PLCG1: variants seen among roughly 807,000 people sequenced by gnomAD.
The protein encoded by PLCG1 is phospholipase C gamma 1.
In PLCG1, 71 loss-of-function variants were observed where a neutral mutation model predicts 177.8. The observed-to-expected ratio is 0.40, with a 90% confidence interval of 0.33 to 0.49. PLCG1 has a LOEUF of 0.49. Among genes scored for constraint, PLCG1 ranks in the 20% least tolerant of loss-of-function variants. PLCG1 has a pLI of 0.72. For missense variants in PLCG1, 1,281 were observed against 1,709.0 expected (o/e 0.75, Z 4.42); for synonymous variants, 658 against 647.9 (o/e 1.02, Z -0.24).
rs774727928 is a variant in PLCG1 at position 41,164,229 on chromosome 20, G to T, written c.1217+28G>T. On this transcript the variant is annotated intron_variant, in intron 12 of 31. Transcript: ENST00000685551. The surrounding 1 kb of genome is among the most constrained non-coding windows in gnomAD (Gnocchi z 6.4). ...GAGTCGGAGGCTGGATGACCCAGGG[G>T]TTAACTTGGCTCCAGGTCTCTCGTT... The T allele has an allele frequency of 5.6e-6, 9 of 1,612,800 alleles. No individual in the cohort carries two copies. The African/African-American group carries it at 1.1e-4, about 19-fold the overall frequency.
chr20:41,171,607 A>T (rs1180234683), intron 24 of PLCG1, among the ~76,000 whole-genome samples: 1 of 151,266 alleles, frequency 6.6e-6, no homozygotes, highest in African/African-American at 2.4e-5. Flanking sequence ...AAAAAAAAAA[A>T]AAGCCACTGA....
rs2035632374 is a variant in PLCG1, at chr20:41,165,012, C to G, written c.1297C>G (p.Leu433Val). The G allele has an allele frequency of 6.2e-7, 1 of 1,614,182 alleles. No individual in the cohort carries two copies. The highest frequency in any genetic ancestry group is 8.5e-7 in the Non-Finnish European group (1 of 1,180,024). ...CATGGCCCAATACTTCAAGAAGGTG[C>G]TGGGGGACACACTCCTCACCAAGCC... ...RNMAQYFKKVLGDTLLTKPVE... is the reference protein window; with the variant it reads ...RNMAQYFKKVVGDTLLTKPVE... Residue 433 changes from leucine (L) to valine (V), a missense_variant, in exon 13 of 32, where the codon CTG (leucine) becomes GTG (valine). Leu to Val is a conservative substitution (Grantham distance 32). This residue lies in a region of PLCG1 where 723 missense variants were observed against 1,030.0 expected (regional missense o/e 0.70). Transcript: ENST00000685551. The surrounding 1 kb of genome is among the most constrained non-coding windows in gnomAD (Gnocchi z 6.6).
Position 41,166,144 on chromosome 20 carries a change from G to T in PLCG1, c.1800-50G>T. On this transcript the variant is annotated intron_variant, in intron 16 of 31. Transcript: ENST00000685551. The surrounding 1 kb of genome is among the most constrained non-coding windows in gnomAD (Gnocchi z 8.6). ...TCATTTGGGGTGGAACTTGGTCTTT[G>T]GGGCCCTGGCCTGTTTTCCCCAGCC... 6.5e-7 allele frequency: 1 copy of T among 1,535,636 alleles called. No individual in the cohort carries two copies. Among genetic ancestry groups the T allele is most frequent in the Non-Finnish European group, 8.9e-7 (1 of 1,118,998 alleles).
chr20:41,159,205 A>G lies in PLCG1; in HGVS notation c.218-401A>G, dbSNP rs1046663316. Among the ~76,000 whole-genome samples, 1 of 152,108 alleles carries G rather than the reference A, an allele frequency of 6.6e-6. No individual in the cohort carries two copies. The highest frequency in any genetic ancestry group is 2.1e-4 in the South Asian group (1 of 4,824). ...GGGATCCTGAGGCCCATCTTGACCTACCCAGCCCTGCCTCTGGGACTTTAT... is the reference window on the plus strand; with the variant it reads ...GGGATCCTGAGGCCCATCTTGACCTGCCCAGCCCTGCCTCTGGGACTTTAT... On this transcript the variant is annotated intron_variant, in intron 1 of 31. Transcript: ENST00000685551. This position sits in a 1 kb window ranked among gnomAD's most constrained non-coding sequence, Gnocchi z 6.0.
intron 24 of PLCG1, among the ~76,000 whole-genome samples, chr20:41,171,511 C>T (rs985296462): frequency 6.2e-5 from 9 of 145,792 alleles, no homozygotes; most frequent in South Asian, 2.2e-4. Context: ...CGCTTGAACC[C>T]GTGAGGTGGA....
rs2036062013 is a variant in PLCG1, at chr20:41,176,190, C to G, written c.*1681C>G. On this transcript the variant is annotated 3_prime_UTR_variant, in exon 32 of 32. Transcript: ENST00000685551. ...CATAGTTGGCTGTGCTGGGATGGAA[C>G]AAAAATGACGCCACACAAAAAATTT... 6.6e-6 allele frequency: 1 copy of G among 152,160 alleles called. No individual in the cohort carries two copies. Among genetic ancestry groups the G allele is most frequent in the Non-Finnish European group, 1.5e-5 (1 of 68,046 alleles). The allele number at this position is 152,160 out of a possible 1,614,324, so 9.4% of individuals were successfully genotyped here.
At chr20:41,170,473 TGA>T in intron 24 of PLCG1, 1 of 577,490 alleles carries the variant, frequency 1.7e-6, no homozygotes, top group South Asian at 2.2e-5. Flanking sequence ...GTGTTGAGTT[TGA>T]GATACTGATG....
At chr20:41,155,982 G>A (rs1378163334) in intron 1 of PLCG1, among the ~76,000 whole-genome samples, 7 of 152,214 alleles carry the variant, frequency 4.6e-5, no homozygotes, top group Non-Finnish European at 7.3e-5. Context: ...CTTCTTGAAA[G>A]AGCAGGAGAA....
chr20:41,172,812 G>A lies in PLCG1; in HGVS notation c.3214G>A (p.Glu1072Lys). 6.2e-7 allele frequency: 1 copy of A among 1,614,204 alleles called. No homozygotes were observed. Among genetic ancestry groups the A allele is most frequent in the African/African-American group, 1.3e-5 (1 of 75,050 alleles). ...GCTGCAGCCAAGCACCATGCGGGAT[G>A]AGGCCTTCGACCCCTTTGACAAGAG... ...YVLQPSTMRD[E>K]AFDPFDKSSL... The change falls in exon 27 of 32, where the codon GAG becomes AAG. Residue 1072 changes from glutamate to lysine, a missense_variant. Physicochemically the swap from Glu to Lys is moderately conservative, Grantham distance 56. This residue lies in a region of PLCG1 where 723 missense variants were observed against 1,030.0 expected (regional missense o/e 0.70). Coordinates refer to ENST00000685551, the MANE Select transcript of PLCG1 (RefSeq NM_002660.3). The surrounding 1 kb of genome is among the most constrained non-coding windows in gnomAD (Gnocchi z 7.0).
chr20:41,146,114 C>T lies in PLCG1; in HGVS notation c.217+8256C>T, dbSNP rs1443082018. Among the ~76,000 whole-genome samples, 3 of 152,200 alleles carry T rather than the reference C, an allele frequency of 2.0e-5. No individual in the cohort carries two copies. The highest frequency in any genetic ancestry group is 2.0e-4 in the Admixed American group (3 of 15,286). ...TGGTGTTGGCCGGTGGCCCTGGCTTCAGCAAGACTCAGGATGCAGAGTAAA... is the reference window on the plus strand; with the variant it reads ...TGGTGTTGGCCGGTGGCCCTGGCTTTAGCAAGACTCAGGATGCAGAGTAAA... On this transcript the variant is annotated intron_variant, in intron 1 of 31. Coordinates refer to ENST00000685551, the MANE Select transcript of PLCG1 (RefSeq NM_002660.3). The surrounding 1 kb of genome is among the most constrained non-coding windows in gnomAD (Gnocchi z 6.3).
Position 41,162,496 on chromosome 20 carries a change from A to G in PLCG1, c.557A>G (p.Tyr186Cys), listed in dbSNP as rs2058720557. 2 of 1,613,680 alleles carry G rather than the reference A, an allele frequency of 1.2e-6. No individual in the cohort carries two copies. Among genetic ancestry groups the G allele is most frequent in the Non-Finnish European group, 1.7e-6 (2 of 1,179,890 alleles). The change falls in exon 5 of 32, where the codon TAC (tyrosine) becomes TGC (cysteine). Residue 186 changes from tyrosine (Y) to cysteine (C), a missense_variant. Physicochemically the swap from Tyr to Cys is radical, Grantham distance 194. This residue lies in a region of PLCG1 where 374 missense variants were observed against 443.8 expected (regional missense o/e 0.84). Transcript: ENST00000685551. ...AAGAACATGCTGTCCCAGGTCAACT[A>G]CCGGGTCCCCAACATGCGCTTCCTC... ...DLKNMLSQVN[Y>C]RVPNMRFLRE...
In PLCG1 at chr20:41,157,826, C is replaced by G. The variant is rs1268930280; in HGVS notation, c.218-1780C>G. On this transcript the variant is annotated intron_variant, in intron 1 of 31. Transcript: ENST00000685551. This position sits in a 1 kb window ranked among gnomAD's most constrained non-coding sequence, Gnocchi z 5.4. ...AGGGCAAAAGCTGGGGAGGTAAATTCCTGAGCCCTGTCACAAAGAGCCTTC... is the reference window on the plus strand; with the variant it reads ...AGGGCAAAAGCTGGGGAGGTAAATTGCTGAGCCCTGTCACAAAGAGCCTTC... Among the ~76,000 whole-genome samples, 1 of 152,098 alleles carries G rather than the reference C, an allele frequency of 6.6e-6. No individual in the cohort carries two copies. Among genetic ancestry groups the G allele is most frequent in the Admixed American group, 6.5e-5 (1 of 15,272 alleles).
Position 41,174,682 on chromosome 20 carries a change from C to G in PLCG1, c.*173C>G. The G allele has an allele frequency of 1.6e-6, 1 of 636,020 alleles. No homozygotes were observed. The highest frequency in any genetic ancestry group is 2.8e-6 in the Non-Finnish European group (1 of 357,226). The allele number at this position is 636,020 out of a possible 1,614,324, so 39.4% of individuals were successfully genotyped here. On this transcript the variant is annotated 3_prime_UTR_variant, in exon 32 of 32. Coordinates refer to ENST00000685551, the MANE Select transcript of PLCG1 (RefSeq NM_002660.3). This position sits in a 1 kb window ranked among gnomAD's most constrained non-coding sequence, Gnocchi z 5.8. Reference sequence around the variant, plus strand: ...CCAAGCCATTAATGAGATGTTATTACTGTTTTGGGCCTCCATGCCCCAGCT... The same window carrying G: ...CCAAGCCATTAATGAGATGTTATTAGTGTTTTGGGCCTCCATGCCCCAGCT...
intron 1 of PLCG1, among the ~76,000 whole-genome samples, chr20:41,154,923 T>C (rs2035272623): frequency 6.6e-6 from 1 of 152,172 alleles, no homozygotes; most frequent in African/African-American, 2.4e-5. Context: ...AACAGGCTCC[T>C]CTTTTAAAGG....
chr20:41,174,438 C>T lies in PLCG1; in HGVS notation c.3834-29C>T, dbSNP rs35302313. On this transcript the variant is annotated intron_variant, in intron 31 of 31. Coordinates refer to ENST00000685551, the MANE Select transcript of PLCG1 (RefSeq NM_002660.3). This position sits in a 1 kb window ranked among gnomAD's most constrained non-coding sequence, Gnocchi z 5.8. ...CATTGGGCTGCAAGGCCCTGCCTGCCAGTAAGGACACTCTTCCCTTCTGTC... is the reference window on the plus strand; with the variant it reads ...CATTGGGCTGCAAGGCCCTGCCTGCTAGTAAGGACACTCTTCCCTTCTGTC... 2.4e-3 allele frequency: 3,899 copies of T among 1,592,892 alleles called. 108 individuals carry two copies. The East Asian group carries it at 0.058, about 24-fold the overall frequency.
Position 41,164,728 on chromosome 20 carries a change from G to T in PLCG1, c.1218-205G>T, listed in dbSNP as rs574197059. Among the ~76,000 whole-genome samples, 1 of 152,276 alleles carries T rather than the reference G, an allele frequency of 6.6e-6. No homozygotes were observed. The highest frequency in any genetic ancestry group is 1.9e-4 in the East Asian group (1 of 5,178). ...ATTGGGCCAGCTCGGGACTGCATCA[G>T]TTGCCACCCTTTGGTTTCCACTGCT... On this transcript the variant is annotated intron_variant, in intron 12 of 31. Coordinates refer to ENST00000685551, the MANE Select transcript of PLCG1 (RefSeq NM_002660.3). The surrounding 1 kb of genome is among the most constrained non-coding windows in gnomAD (Gnocchi z 6.4).
At position 41,165,730 on chromosome 20, in the gene PLCG1, T is replaced by A; in HGVS notation, c.1703T>A (p.Leu568Gln). The change falls in exon 16 of 32, where the codon CTG becomes CAG. Residue 568 changes from leucine (L) to glutamine (Q), a missense_variant. By Grantham distance (113) the Leu-to-Gln change is moderately radical. Transcript: ENST00000685551. The surrounding 1 kb of genome is among the most constrained non-coding windows in gnomAD (Gnocchi z 6.6). ...GRDGRHIAERLLTEYCIETGA... is the reference protein window; with the variant it reads ...GRDGRHIAERQLTEYCIETGA... ...GACGGGCGTCACATCGCTGAGCGCC[T>A]GCTTACTGAGTACTGCATCGAGACC... 9 of 1,613,864 alleles carry A rather than the reference T, an allele frequency of 5.6e-6. No individual in the cohort carries two copies. Among genetic ancestry groups the A allele is most frequent in the Non-Finnish European group, 7.6e-6 (9 of 1,179,912 alleles).
chr20:41,163,360 CCCT>C lies in PLCG1; in HGVS notation c.790-15_790-13del. ...GACTGGAGGCTTCTCTCATCCCCTG[CCCT>C]CCCTACCCCATCAGGAGCTGTGGGC... On this transcript the variant is annotated splice_polypyrimidine_tract_variant and intron_variant, in intron 8 of 31. Transcript: ENST00000685551. This position sits in a 1 kb window ranked among gnomAD's most constrained non-coding sequence, Gnocchi z 5.2. The C allele has an allele frequency of 6.2e-7, 1 of 1,605,504 alleles. No homozygotes were observed. The highest frequency in any genetic ancestry group is 8.5e-7 in the Non-Finnish European group (1 of 1,172,272).
Position 41,165,965 on chromosome 20 carries a change from C to A in PLCG1, c.1799+139C>A. On this transcript the variant is annotated intron_variant, in intron 16 of 31. Transcript: ENST00000685551. This position sits in a 1 kb window ranked among gnomAD's most constrained non-coding sequence, Gnocchi z 6.6. ...TTTACATGGAACATAATTTCACCTA[C>A]ATACACACACACACTCTCTGTCTCA... 1.4e-6 allele frequency: 1 copy of A among 731,220 alleles called. No individual in the cohort carries two copies. The highest frequency in any genetic ancestry group is 2.2e-6 in the Non-Finnish European group (1 of 452,618). The allele number at this position is 731,220 out of a possible 1,614,324, so 45.3% of individuals were successfully genotyped here. A position where few individuals can be genotyped will look rare whatever the true frequency, so the allele number is the denominator to read the frequency against.
Sources: gnomAD v4.1 joint callset for allele counts (sites outside exome capture counted in the v4.1 genomes callset) on GRCh38, gnomAD v4.1.1 for gene constraint, gnomAD v4.1.1 regional missense constraint, Gnocchi (gnomAD v3.1) non-coding constraint, MANE v1.5 for transcripts, NCBI Gene and HGNC (gene_info 2026-07-23, HGNC 2026-07-21) for gene names.